The following DIP2C variants were observed in gnomAD, a reference collection of about 807,000 sequenced individuals.
DIP2C encodes the protein DIP2 acetate--CoA ligase C (putative).
Under a neutral mutation model 192.4 loss-of-function variants are expected in DIP2C, and 33 were observed. The observed-to-expected ratio is 0.17, with a 90% CI of 0.13 to 0.23. The LOEUF (loss-of-function observed/expected upper bound fraction) is 0.23. Among genes scored for constraint, DIP2C ranks in the 10% least tolerant of loss-of-function variants. The pLI is 1.00. For missense variants in DIP2C, 1,537 were observed against 2,110.1 expected, an observed-to-expected ratio of 0.73 and a Z score of 5.32; for synonymous variants, 979 against 864.1, an observed-to-expected ratio of 1.13 and a Z score of -2.33.
chr10:673,823 C>T (rs1156592559), intron 1 of DIP2C, among the ~76,000 whole-genome samples: 1 of 152,208 alleles, frequency 6.6e-6, no homozygotes, highest in African/African-American at 2.4e-5. Context: ...TCTCCTGCCC[C>T]AGGTGCGTGG....
chr10:527,405 A>T (rs976284424), intron 1 of DIP2C, among the ~76,000 whole-genome samples: 1 of 152,206 alleles, frequency 6.6e-6, no homozygotes, highest in Non-Finnish European at 1.5e-5. Context: ...CTGCTTTTGT[A>T]ATTTTTAATA....
At chr10:589,582 C>T (rs1471157867) in intron 1 of DIP2C, among the ~76,000 whole-genome samples, 1 of 152,202 alleles carries the variant, frequency 6.6e-6, no homozygotes, top group African/African-American at 2.4e-5. Flanking sequence ...ACTCAAATTC[C>T]ACTGACCTGC....
chr10:401,452 A>G (rs868056078), intron 9 of DIP2C, among the ~76,000 whole-genome samples: 1 of 117,226 alleles, frequency 8.5e-6, no homozygotes, highest in Non-Finnish European at 1.8e-5. Context: ...TAGCGTTACT[A>G]TTCCTTATGG....
chr10:359,506 C>T (rs1033771577), intron 22 of DIP2C, among the ~76,000 whole-genome samples: 33 of 152,350 alleles, frequency 2.2e-4, no homozygotes, highest in African/African-American at 7.5e-4. Flanking sequence ...CTCGGCAAAT[C>T]ATTTTTGAAT....
At chr10:579,815 A>G (rs913653223) in intron 1 of DIP2C, among the ~76,000 whole-genome samples, 3 of 150,404 alleles carry the variant, frequency 2.0e-5, no homozygotes, top group Non-Finnish European at 4.4e-5. Context: ...GTACACTATA[A>G]TGTGTACATG....
chr10:393,800 A>G (rs1417734114), intron 10 of DIP2C, among the ~76,000 whole-genome samples: 40 of 149,086 alleles, frequency 2.7e-4, no homozygotes, highest in African/African-American at 9.0e-4. Context: ...AAAAAAAGAA[A>G]AAAAAAGAAA....
chr10:620,528 T>G (rs1010579898), intron 1 of DIP2C, among the ~76,000 whole-genome samples: 1 of 152,214 alleles, frequency 6.6e-6, no homozygotes, highest in Non-Finnish European at 1.5e-5. Context: ...AAAGTCCATT[T>G]GGGTAAATTT....
At chr10:329,330 G>A in intron 30 of DIP2C, 103 bp downstream of exon 30, 1 of 1,275,506 alleles carries the variant, frequency 7.8e-7, no homozygotes. Context: ...CCCAGGCTTT[G>A]TTTTGGAGGA....
chr10:281,539 G>A (rs963324588), intron 35 of DIP2C, among the ~76,000 whole-genome samples: 2 of 152,226 alleles, frequency 1.3e-5, no homozygotes, highest in South Asian at 4.1e-4. Context: ...CTGCAAAGCC[G>A]CCATGCGCCC....
chr10:624,553 GGA>G, intron 1 of DIP2C, among the ~76,000 whole-genome samples: 1 of 152,342 alleles, frequency 6.6e-6, no homozygotes, highest in East Asian at 1.9e-4. Context: ...TGAGTGGCTT[GGA>G]AGTCACTCCC....
chr10:505,819 A>AC (rs1212322527), intron 1 of DIP2C, among the ~76,000 whole-genome samples: 2 of 151,958 alleles, frequency 1.3e-5, no homozygotes, highest in African/African-American at 4.8e-5. Flanking sequence ...GGAGATGGGG[A>AC]CCACCTGCCC....
intron 1 of DIP2C, among the ~76,000 whole-genome samples, chr10:594,587 G>C (rs1296150923): frequency 6.6e-6 from 1 of 152,088 alleles, no homozygotes; most frequent in Admixed American, 6.5e-5. Flanking sequence ...TTAACATAAG[G>C]GAACGTGGCT....
intron 29 of DIP2C, among the ~76,000 whole-genome samples, chr10:335,342 A>T (rs1003226338): frequency 6.6e-6 from 1 of 152,010 alleles, no homozygotes; most frequent in Non-Finnish European, 1.5e-5. Flanking sequence ...TTCAGGGGGG[A>T]TTTCCAACAA....
chr10:618,539 G>A (rs1489007705), intron 1 of DIP2C, among the ~76,000 whole-genome samples: 2 of 152,194 alleles, frequency 1.3e-5, no homozygotes, highest in East Asian at 1.9e-4. Flanking sequence ...CAGCGTCCAC[G>A]CCAGGTGACG....
intron 1 of DIP2C, among the ~76,000 whole-genome samples, chr10:535,715 T>C (rs1847658840): frequency 6.6e-6 from 1 of 152,190 alleles, no homozygotes; most frequent in South Asian, 2.1e-4. Context: ...GTATGTGGGC[T>C]ATGGCAGTCA....
At chr10:458,643 C>T (rs1485373374) in intron 3 of DIP2C, among the ~76,000 whole-genome samples, 2 of 148,486 alleles carry the variant, frequency 1.3e-5, no homozygotes, top group Admixed American at 1.3e-4. Context: ...CTCGGAACCC[C>T]GTGACAGCAA....
At chr10:635,115 C>A (rs1854758414) in intron 1 of DIP2C, among the ~76,000 whole-genome samples, 1 of 152,182 alleles carries the variant, frequency 6.6e-6, no homozygotes, top group African/African-American at 2.4e-5. Flanking sequence ...CATGACACAC[C>A]CCACCCTCCA....
intron 1 of DIP2C, among the ~76,000 whole-genome samples, chr10:672,059 AGACGGAGGAAACGCCACAGACGCACG>A (rs1211125362): frequency 5.5e-5 from 7 of 127,528 alleles, no homozygotes; most frequent in African/African-American, 2.3e-4. Context: ...ACAGACACAC[AGACGGAGGAAACGCCACAGACGCACG>A]GACGGAGTAA....
At chr10:598,235 C>T (rs771419207) in intron 1 of DIP2C, among the ~76,000 whole-genome samples, 15 of 152,164 alleles carry the variant, frequency 9.9e-5, no homozygotes, top group African/African-American at 9.7e-5. Flanking sequence ...GCCTCCCTCC[C>T]CACCCCAAGG....
Sources: gnomAD v4.1 joint callset for allele counts (sites outside exome capture counted in the v4.1 genomes callset) on GRCh38, gnomAD v4.1.1 for gene constraint, MANE v1.5 for transcripts, NCBI Gene and HGNC (gene_info 2026-07-23, HGNC 2026-07-21) for gene names.